Variants in KRT27 observed in about 807,000 individuals in gnomAD.
KRT27 encodes the protein keratin 27, also known as keratin, type I cytoskeletal 27.
KRT27 carries 30 observed loss-of-function variants against 45.3 expected under a neutral mutation model. That is an observed-to-expected ratio of 0.66 (90% CI 0.50 to 0.90). The LOEUF is 0.90. Ranked by LOEUF, KRT27 falls within the 40% of genes least tolerant of loss-of-function variation. The pLI, the probability that KRT27 is intolerant of heterozygous loss-of-function variation, is 0.00. For missense variants in KRT27, 610 were observed against 564.3 expected (o/e 1.08, Z -0.82); for synonymous variants, 204 against 223.9 (o/e 0.91, Z 0.79).
Position 40,781,269 on chromosome 17 carries a change from A to G in KRT27, c.446T>C (p.Ile149Thr). The G allele has an allele frequency of 6.3e-7, 1 of 1,591,106 alleles. No homozygotes were observed. The highest frequency in any genetic ancestry group is 8.6e-7 in the Non-Finnish European group (1 of 1,161,268). The change falls in exon 2 of 8, where the codon ATA becomes ACA. Residue 149 changes from isoleucine (I) to threonine (T), a missense_variant and splice_region_variant. By Grantham distance (89) the Ile-to-Thr change is moderately conservative (BLOSUM62 -1). Transcript: ENST00000301656. ...GGCATTACTGGTAGTTGCAGAAATT[A>G]TCTGACAAATGAAAAGTTAGTTAAG... ...FPIIDELKNQ[I>T]ISATTSNAHV...
Position 40,779,715 on chromosome 17 carries a change from G to A in KRT27, c.831C>T (p.Ala277=), listed in dbSNP as rs2038294007. The A allele has an allele frequency of 6.2e-7, 1 of 1,613,874 alleles. No individual in the cohort carries two copies. Residue 277 remains alanine, a synonymous_variant, in exon 4 of 8, where the codon GCC becomes GCT. Transcript: ENST00000301656. ...GTGGTTTTACCTTTTCGTTGAACCA[G>A]GCCTCCGCGTCCCTGCGGTTCTGCT... ...LAEQNRRDAE[A]WFNEKSASLQ...
In KRT27 at chr17:40,777,067, T is replaced by C. The variant is rs2038272095; in HGVS notation, c.1312A>G (p.Arg438Gly). ...IDPRGKVLSSRVHTVEEKSTK... is the reference protein window; with the variant it reads ...IDPRGKVLSSGVHTVEEKSTK... ...GATTTCTCTTCCACAGTGTGAACTC[T>C]GGATGAGAGAACTTTGCCACGAGGA... The change falls in exon 8 of 8, where the codon AGA (arginine) becomes GGA (glycine). Residue 438 changes from arginine (R) to glycine (G), a missense_variant. By Grantham distance (125) the Arg-to-Gly change is moderately radical. Coordinates refer to ENST00000301656, the MANE Select transcript of KRT27 (RefSeq NM_181537.4). 2 of 1,613,972 alleles carry C rather than the reference T, an allele frequency of 1.2e-6. No individual in the cohort carries two copies. The highest frequency in any genetic ancestry group is 1.3e-5 in the African/African-American group (1 of 74,926).
intron 2 of KRT27, 97 bp from the exon 3 acceptor site, chr17:40,780,553 C>T (rs1264966014): frequency 8.6e-6 from 10 of 1,157,902 alleles, no homozygotes; most frequent in Admixed American, 2.4e-5. Flanking sequence ...TGAGGTAAAA[C>T]TACTAAGATA....
chr17:40,780,013 A>C, intron 3 of KRT27, 152 bp from the exon 4 acceptor site: 1 of 993,736 alleles, frequency 1.0e-6, no homozygotes, highest in South Asian at 1.8e-5. Context: ...GCGATCCTCC[A>C]TTCTGGGTCT....
rs1259079342 is a variant in KRT27, at chr17:40,781,941, T to C, written c.444+109A>G. On this transcript the variant is annotated intron_variant, in intron 1 of 7. Coordinates refer to ENST00000301656, the MANE Select transcript of KRT27 (RefSeq NM_181537.4). ...ATATTGAAAATGAACTCCTAAAATT[T>C]AGAAGCTGAGGGCAAAGCCCTGTTA... is the stretch of plus-strand genomic sequence containing the variant. The C allele has an allele frequency of 9.0e-6, 8 of 888,802 alleles. No individual in the cohort carries two copies. The Admixed American group carries it at 1.4e-4, about 16-fold the overall frequency. 55.1% of individuals were successfully genotyped at this position (888,802 alleles called of 1,614,324 possible).
Position 40,777,135 on chromosome 17 carries a change from G to GA in KRT27, c.1243dup (p.Ser415PhefsTer3). ...TGTTTTGACAATGGTGGTTTTAGATGAATCTAAAATGCCACATATAAACTG... is the reference window on the plus strand; with the variant it reads ...TGTTTTGACAATGGTGGTTTTAGATGAAATCTAAAATGCCACATATAAACTG... On this transcript the variant is annotated frameshift_variant, in exon 8 of 8. Transcript: ENST00000301656. LOFTEE classifies it high-confidence loss of function. 1 of 1,612,880 alleles carries GA rather than the reference G, an allele frequency of 6.2e-7. No homozygotes were observed. Among genetic ancestry groups the GA allele is most frequent in the Non-Finnish European group, 8.5e-7 (1 of 1,179,140 alleles).
chr17:40,780,010 T>C, intron 3 of KRT27, 149 bp from the exon 4 acceptor site: 3 of 1,016,556 alleles, frequency 3.0e-6, no homozygotes, highest in Non-Finnish European at 1.4e-6. Context: ...CAAGCGATCC[T>C]CCATTCTGGG....
rs753549988 is a variant in KRT27 at position 40,782,228 on chromosome 17, T to C, written c.266A>G (p.Gln89Arg). The C allele has an allele frequency of 1.2e-6, 2 of 1,614,246 alleles. No homozygotes were observed. The highest frequency in any genetic ancestry group is 1.7e-6 in the Non-Finnish European group (2 of 1,180,044). The change falls in exon 1 of 8, where the codon CAG (glutamine) becomes CGG (arginine). Residue 89 changes from glutamine to arginine, a missense_variant. By Grantham distance (43) the Gln-to-Arg change is conservative. Transcript: ENST00000301656. Reference protein sequence around the residue: ...LLSGNEKVTMQNLNDRLASYL... With the variant: ...LLSGNEKVTMRNLNDRLASYL... ...GGAGGCCAAGCGGTCGTTGAGGTTC[T>C]GCATGGTCACCTTCTCATTGCCAGA...
At position 40,779,401 on chromosome 17, in the gene KRT27, TG is replaced by T. The variant is rs1466217707; in HGVS notation, c.972+100del. 2.1e-6 allele frequency: 3 copies of T among 1,426,912 alleles called. No homozygotes were observed. In the South Asian group the frequency reaches 4.3e-5, roughly 20 times the overall value. The allele number at this position is 1,426,912 out of a possible 1,614,324, so 88.4% of individuals were successfully genotyped here. A position where few individuals can be genotyped will look rare whatever the true frequency, so the allele number is the denominator to read the frequency against. On this transcript the variant is annotated intron_variant, in intron 5 of 7. Transcript: ENST00000301656. ...GTCTTATGTCAAGCACTGTAATTAA[TG>T]GTTAAAAACTAAAATATGTAATTAT...
intron 2 of KRT27, among the ~76,000 whole-genome samples, 195 bp from the exon 3 acceptor site, chr17:40,780,651 G>C (rs968495906): frequency 6.6e-6 from 1 of 151,616 alleles, no homozygotes; most frequent in Non-Finnish European, 1.5e-5. Context: ...ACGAGGTCAG[G>C]AGATCGAGAT....
rs944342428 is a variant in KRT27, at chr17:40,777,579, C to G, written c.1126G>C (p.Asp376His). 40 of 1,613,956 alleles carry G rather than the reference C, an allele frequency of 2.5e-5. No homozygotes were observed. Among genetic ancestry groups the G allele is most frequent in the Non-Finnish European group, 3.4e-5 (40 of 1,179,908 alleles). ...TCTTTTTCCAGGTGGACCTTGATGT[C>G]AAGGAGCTGCTCATACTCGAGCTTC... ...GQKLEYEQLL[D>H]IKVHLEKEIE... Residue 376 changes from aspartate to histidine, a missense_variant, in exon 6 of 8, where the codon GAC becomes CAC. Physicochemically the swap from Asp to His is moderately conservative, Grantham distance 81. Transcript: ENST00000301656.
chr17:40,780,370 C>G lies in KRT27; in HGVS notation c.614G>C (p.Arg205Thr). The G allele has an allele frequency of 6.2e-7, 1 of 1,613,440 alleles. No individual in the cohort carries two copies. The highest frequency in any genetic ancestry group is 8.5e-7 in the Non-Finnish European group (1 of 1,179,680). The change falls in exon 3 of 8, where the codon AGA (arginine) becomes ACA (threonine). Residue 205 changes from arginine (R) to threonine (T), a missense_variant. Physicochemically the swap from Arg to Thr is moderately conservative, Grantham distance 71. Transcript: ENST00000301656. ...RRVLDELTLCRTDLEIQLETL... is the reference protein window; with the variant it reads ...RRVLDELTLCTTDLEIQLETL... ...TTCCAGCTGGATCTCCAGGTCCGTT[C>G]TGCACAAGGTCAGCTCATCCAGGAC... is the stretch of plus-strand genomic sequence containing the variant.
At position 40,777,624 on chromosome 17, in the gene KRT27, T is replaced by C. The variant is rs1256412462; in HGVS notation, c.1081A>G (p.Arg361Gly). The change falls in exon 6 of 8, where the codon AGA becomes GGA. Residue 361 changes from arginine (R) to glycine (G), a missense_variant. Coordinates refer to ENST00000301656, the MANE Select transcript of KRT27 (RefSeq NM_181537.4). Reference sequence around the variant, plus strand: ...AGCTTCTGGCCCTCGGTCTCGGTTCTGACCTGGTGCAGCTGCTCCTCCAGG... The same window carrying C: ...AGCTTCTGGCCCTCGGTCTCGGTTCCGACCTGGTGCAGCTGCTCCTCCAGG... The part of the protein sequence containing the change: ...GALEEQLHQV[R>G]TETEGQKLEY... The C allele has an allele frequency of 1.9e-6, 3 of 1,614,146 alleles. No homozygotes were observed. The African/African-American group carries it at 4.0e-5, about 22-fold the overall frequency.
chr17:40,777,507 A>G lies in KRT27; in HGVS notation c.1190+8T>C, dbSNP rs757396990. On this transcript the variant is annotated splice_region_variant and intron_variant, in intron 6 of 7. Coordinates refer to ENST00000301656, the MANE Select transcript of KRT27 (RefSeq NM_181537.4). The stretch of plus-strand genomic sequence containing the variant: ...ATGAATTGTTTTCTCAATGGCGGCA[A>G]TACTGACCCATCTTCTCCATCTATC... The G allele has an allele frequency of 6.2e-7, 1 of 1,613,726 alleles. No individual in the cohort carries two copies. Among genetic ancestry groups the G allele is most frequent in the Non-Finnish European group, 8.5e-7 (1 of 1,179,594 alleles).
At chr17:40,780,055 C>A (rs1449238515) in intron 3 of KRT27, among the ~76,000 whole-genome samples, 194 bp from the exon 4 acceptor site, 1 of 152,162 alleles carries the variant, frequency 6.6e-6, no homozygotes, top group Non-Finnish European at 1.5e-5. Flanking sequence ...GCATGAGCCA[C>A]CGCTTCTGGC....
At position 40,781,290 on chromosome 17, in the gene KRT27, T is replaced by C. The variant is rs1489480968; in HGVS notation, c.445-20A>G. The C allele has an allele frequency of 6.8e-7, 1 of 1,461,790 alleles. No individual in the cohort carries two copies. The highest frequency in any genetic ancestry group is 1.2e-5 in the South Asian group (1 of 84,624). The allele number at this position is 1,461,790 out of a possible 1,614,324, so 90.6% of individuals were successfully genotyped here. Reference sequence around the variant, plus strand: ...AATTATCTGACAAATGAAAAGTTAGTTAAGATTGAGGAAATATTTAAGATG... The same window carrying C: ...AATTATCTGACAAATGAAAAGTTAGCTAAGATTGAGGAAATATTTAAGATG... On this transcript the variant is annotated intron_variant, in intron 1 of 7. Transcript: ENST00000301656.
Position 40,782,502 on chromosome 17 carries a change from G to T in KRT27, c.-9C>A, listed in dbSNP as rs1339274899. On this transcript the variant is annotated 5_prime_UTR_variant, in exon 1 of 8. Transcript: ENST00000301656. ...GAAAAGCGCACAGACATGGTGTCCG[G>T]AGGCTGGAGCCTTTGTTTCTGCGGT... The T allele has an allele frequency of 6.5e-7, 1 of 1,530,980 alleles. No individual in the cohort carries two copies. The highest frequency in any genetic ancestry group is 1.3e-5 in the South Asian group (1 of 79,416). The allele number at this position is 1,530,980 out of a possible 1,614,324, so 94.8% of individuals were successfully genotyped here.
chr17:40,781,149 G>C, intron 2 of KRT27, 39 bp downstream of exon 2: 1 of 1,330,124 alleles, frequency 7.5e-7, no homozygotes, highest in Non-Finnish European at 1.1e-6. Context: ...AAAATGCTTA[G>C]ACAACTTTTT....
At chr17:40,779,677 G>C in intron 4 of KRT27, 23 bp downstream of exon 4, 1 of 1,613,370 alleles carries the variant, frequency 6.2e-7, no homozygotes. Context: ...TCCGCGCCCG[G>C]GCGCACCCAA....
Sources: gnomAD v4.1 joint callset for allele counts (sites outside exome capture counted in the v4.1 genomes callset) on GRCh38, gnomAD v4.1.1 for gene constraint, MANE v1.5 for transcripts, NCBI Gene and HGNC (gene_info 2026-07-23, HGNC 2026-07-21) for gene names.